The following RBFOX1 variants were observed in gnomAD, a reference collection of about 807,000 sequenced individuals.
RBFOX1 encodes RNA binding fox-1 homolog 1, also known as RNA binding protein fox-1 homolog 1.
Under a neutral mutation model 57.7 loss-of-function variants are expected in RBFOX1, and 8 were observed. That is an observed-to-expected ratio of 0.14 (90% CI 0.08 to 0.25). The LOEUF is 0.25. RBFOX1 is among the 10% of genes least tolerant of loss of function. The probability of loss-of-function intolerance (pLI) is 1.00; values close to 1 mark genes in which losing one functional copy is unlikely to be tolerated. For synonymous variants in RBFOX1, 326 were observed against 222.4 expected (o/e 1.47, Z -4.15); for missense variants, 611 against 548.5 (o/e 1.11, Z -1.14).
At chr16:7,064,987 C>A (rs145925837) in intron 4 of RBFOX1, among the ~76,000 whole-genome samples, 1 of 152,140 alleles carries the variant, frequency 6.6e-6, no homozygotes, top group African/African-American at 2.4e-5. Flanking sequence ...TGTGTCACCA[C>A]CACATACAAC....
At chr16:6,612,840 A>ACT (rs1281477516) in intron 2 of RBFOX1, among the ~76,000 whole-genome samples, 2 of 106,392 alleles carry the variant, frequency 1.9e-5, no homozygotes, top group African/African-American at 3.6e-5. Flanking sequence ...AGACAGTGAG[A>ACT]CTCTCTCTCA....
intron 3 of RBFOX1, among the ~76,000 whole-genome samples, chr16:6,751,049 C>T (rs938795114): frequency 6.6e-6 from 1 of 152,222 alleles, no homozygotes; most frequent in South Asian, 2.1e-4. Context: ...TGGGAAAGAA[C>T]TAAAAGGAGA....
rs1378205127 is a variant in RBFOX1 at position 5,362,524 on chromosome 16, G to A, written c.220-104692G>A. Among the ~76,000 whole-genome samples the A allele has an allele frequency of 2.0e-5, 3 of 152,154 alleles. No individual in the cohort carries two copies. The East Asian group carries it at 5.8e-4, about 29-fold the overall frequency. ...ATTACAGGCATGCGCCAACACGCTTGGCTAATTTTGTATTTTTAGTAGAGA... is the reference window on the plus strand; with the variant it reads ...ATTACAGGCATGCGCCAACACGCTTAGCTAATTTTGTATTTTTAGTAGAGA... On this transcript the variant is annotated intron_variant, in intron 1 of 2. Transcript: ENST00000585867.
intron 3 of RBFOX1, among the ~76,000 whole-genome samples, chr16:5,736,957 C>T (rs1389435958): frequency 6.7e-6 from 1 of 150,204 alleles, no homozygotes; most frequent in Non-Finnish European, 1.5e-5. Context: ...TCTTTCCTGG[C>T]CCCCTCTCAC....
At chr16:6,241,676 C>T (rs1341778244) in intron 1 of RBFOX1, among the ~76,000 whole-genome samples, 1 of 152,154 alleles carries the variant, frequency 6.6e-6, no homozygotes, top group Non-Finnish European at 1.5e-5. Flanking sequence ...ATTTAATGAA[C>T]ACTGATACTG....
At chr16:7,656,404 G>C (rs1194366657) in intron 12 of RBFOX1, among the ~76,000 whole-genome samples, 1 of 148,776 alleles carries the variant, frequency 6.7e-6, no homozygotes, top group Non-Finnish European at 1.5e-5. Flanking sequence ...CTCTTGGAAA[G>C]GAAGAGAGCA....
intron 3 of RBFOX1, among the ~76,000 whole-genome samples, chr16:5,716,354 G>A (rs1423576286): frequency 6.6e-6 from 1 of 152,108 alleles, no homozygotes; most frequent in African/African-American, 2.4e-5. Context: ...CATCCCCCAG[G>A]CATTAAGCCT....
intron 1 of RBFOX1, among the ~76,000 whole-genome samples, chr16:6,022,608 A>C (rs1316744355): frequency 2.0e-5 from 3 of 152,132 alleles, no homozygotes; most frequent in Admixed American, 2.0e-4. Context: ...CCTGAGCCTG[A>C]GAAGGTTGAG....
intron 1 of RBFOX1, among the ~76,000 whole-genome samples, chr16:6,174,658 A>C (rs1025728447): frequency 2.6e-5 from 4 of 152,184 alleles, no homozygotes; most frequent in Non-Finnish European, 4.4e-5. Context: ...GGATATCAGC[A>C]CAAGAACTTC....
At chr16:6,107,027 A>T (rs1237953006) in intron 1 of RBFOX1, among the ~76,000 whole-genome samples, 1 of 152,190 alleles carries the variant, frequency 6.6e-6, no homozygotes, top group East Asian at 1.9e-4. Flanking sequence ...CATTTAGAAC[A>T]TTCGAGTGAA....
At chr16:6,442,399 A>T (rs572167758) in intron 2 of RBFOX1, among the ~76,000 whole-genome samples, 1 of 152,204 alleles carries the variant, frequency 6.6e-6, no homozygotes, top group South Asian at 2.1e-4. Context: ...TCTACTGAAA[A>T]TACAAAAATT....
At chr16:5,486,860 T>C (rs1412027955) in intron 2 of RBFOX1, among the ~76,000 whole-genome samples, 2 of 152,022 alleles carry the variant, frequency 1.3e-5, no homozygotes, top group Non-Finnish European at 2.9e-5. Flanking sequence ...AACCTGAGAC[T>C]CCTTTACTTG....
chr16:5,308,121 C>T (rs758106233), intron 1 of RBFOX1, among the ~76,000 whole-genome samples: 1 of 152,132 alleles, frequency 6.6e-6, no homozygotes, highest in Non-Finnish European at 1.5e-5. Context: ...GGGCGGATTA[C>T]TTGAAGTCAG....
rs1324864190 is a variant in RBFOX1, at chr16:6,654,603, G to C, written c.-63G>C. 1.6e-5 allele frequency: 24 copies of C among 1,507,082 alleles called. No homozygotes were observed. Among genetic ancestry groups the C allele is most frequent in the Non-Finnish European group, 2.1e-5 (24 of 1,135,916 alleles). The allele number at this position is 1,507,082 out of a possible 1,614,324, so 93.4% of individuals were successfully genotyped here. A position where few individuals can be genotyped will look rare whatever the true frequency, so the allele number is the denominator to read the frequency against. ...TTCCTTTCTTTTCTTCTCTTCTCAG[G>C]ATATCAAAGCAGACTGCAATACCTG... is the stretch of plus-strand genomic sequence containing the variant. On this transcript the variant is annotated splice_region_variant and 5_prime_UTR_variant, in exon 3 of 16. Coordinates refer to ENST00000550418, the MANE Select transcript of RBFOX1 (RefSeq NM_018723.4).
chr16:7,151,700 C>T (rs938965275), intron 4 of RBFOX1, among the ~76,000 whole-genome samples: 11 of 152,058 alleles, frequency 7.2e-5, no homozygotes, highest in African/African-American at 2.4e-4. Flanking sequence ...TTACACAACT[C>T]ACCATAATGT....
chr16:7,396,471 G>T (rs8050740), intron 4 of RBFOX1, among the ~76,000 whole-genome samples: 1 of 151,530 alleles, frequency 6.6e-6, no homozygotes, highest in Admixed American at 6.6e-5. Context: ...CCATTTCTGC[G>T]CTTCCCTACA....
At chr16:6,988,412 G>T (rs749183616) in intron 3 of RBFOX1, among the ~76,000 whole-genome samples, 4 of 152,112 alleles carry the variant, frequency 2.6e-5, no homozygotes, top group African/African-American at 9.7e-5. Context: ...GGATTTCAAA[G>T]ACTTAGTATA....
chr16:7,594,582 T>A (rs1568002052), intron 7 of RBFOX1, among the ~76,000 whole-genome samples: 2 of 152,188 alleles, frequency 1.3e-5, no homozygotes, highest in Non-Finnish European at 2.9e-5. Flanking sequence ...TGGGGTTGAT[T>A]TTTGAGGCTG....
chr16:7,696,853 G>T (rs2078957569), intron 14 of RBFOX1, among the ~76,000 whole-genome samples: 3 of 152,152 alleles, frequency 2.0e-5, no homozygotes, highest in Admixed American at 6.5e-5. Context: ...AATATAAAGT[G>T]AACGTGTGAC....
Sources: gnomAD v4.1 joint callset for allele counts (sites outside exome capture counted in the v4.1 genomes callset) on GRCh38, gnomAD v4.1.1 for gene constraint, MANE v1.5 for transcripts, NCBI Gene and HGNC (gene_info 2026-07-23, HGNC 2026-07-21) for gene names.